The following DPP6 variants were observed in gnomAD, a reference collection of about 807,000 sequenced individuals.
DPP6 encodes the protein dipeptidyl peptidase like 6.
Under a neutral mutation model 122.6 loss-of-function variants are expected in DPP6, and 69 were observed. The ratio of observed to expected loss-of-function variants is 0.56; its 90% CI spans 0.46 to 0.69. DPP6 has a LOEUF of 0.69. Ranked by LOEUF, DPP6 falls within the 30% of genes least tolerant of loss-of-function variation. The pLI, the probability that DPP6 is intolerant of heterozygous loss-of-function variation, is 0.00. For missense variants in DPP6, 928 were observed against 1,116.9 expected (o/e 0.83, Z 2.41); for synonymous variants, 418 against 433.1 (o/e 0.97, Z 0.43).
the DPP6 span, among the ~76,000 whole-genome samples, chr7:153,782,547 C>A: frequency 6.6e-6 from 1 of 152,104 alleles, no homozygotes; most frequent in African/African-American, 2.4e-5. Context: ...AGCGTGTGGG[C>A]CCTTTCTGTG....
intron 18 of DPP6, 139 bp from the exon 19 acceptor site, chr7:154,872,485 C>T: frequency 1.5e-6 from 2 of 1,362,878 alleles, no homozygotes; most frequent in Non-Finnish European, 2.0e-6. Context: ...GGATGAAAAC[C>T]CTGGGCCAGT....
At chr7:154,442,904 C>T (rs1819512675) in intron 1 of DPP6, among the ~76,000 whole-genome samples, 1 of 152,182 alleles carries the variant, frequency 6.6e-6, no homozygotes, top group Non-Finnish European at 1.5e-5. Context: ...ACCCTGGTTT[C>T]TGCAAGTGTT....
At chr7:154,090,384 C>T (rs528594547) in intron 1 of DPP6, among the ~76,000 whole-genome samples, 3 of 152,070 alleles carry the variant, frequency 2.0e-5, no homozygotes, top group Non-Finnish European at 4.4e-5. Context: ...GCTTAGGATC[C>T]GGTTGCTAAT....
chr7:154,588,029 C>CG (rs750304931), intron 5 of DPP6: 21 of 1,612,360 alleles, frequency 1.3e-5, no homozygotes, highest in Non-Finnish European at 1.7e-5. Flanking sequence ...CTGCTCACCC[C>CG]GGGGATAATG....
chr7:153,874,949 G>A, the DPP6 span, among the ~76,000 whole-genome samples: 1 of 152,138 alleles, frequency 6.6e-6, no homozygotes, highest in Non-Finnish European at 1.5e-5. Context: ...GGAGAGAATA[G>A]AAAGGGAACT....
chr7:154,238,304 C>T (rs1801351963), intron 1 of DPP6, among the ~76,000 whole-genome samples: 2 of 152,116 alleles, frequency 1.3e-5, no homozygotes, highest in Non-Finnish European at 2.9e-5. Flanking sequence ...CGTACTTTTC[C>T]TGAGGTCTGA....
chr7:153,874,458 C>A, the DPP6 span, among the ~76,000 whole-genome samples: 2 of 152,204 alleles, frequency 1.3e-5, no homozygotes, highest in Non-Finnish European at 2.9e-5. Context: ...TTGCTGCAAC[C>A]TCCACCTGCC....
At chr7:154,621,240 A>AT (rs1252187546) in intron 5 of DPP6, among the ~76,000 whole-genome samples, 1 of 152,198 alleles carries the variant, frequency 6.6e-6, no homozygotes, top group African/African-American at 2.4e-5. Flanking sequence ...GAATGAGTCT[A>AT]TAATATGTTT....
chr7:154,100,772 CCACACAGACTG>C (rs1805673524), intron 1 of DPP6, among the ~76,000 whole-genome samples: 1 of 115,832 alleles, frequency 8.6e-6, no homozygotes, highest in Non-Finnish European at 1.8e-5. Context: ...AGGAGATTTC[CCACACAGACTG>C]CACATACCGC....
upstream of DPP6, among the ~76,000 whole-genome samples, chr7:154,048,263 CA>C (rs1244643937): frequency 1.1e-5 from 1 of 94,204 alleles, no homozygotes; most frequent in Non-Finnish European, 2.1e-5. Context: ...TTGAAAAGCC[CA>C]AATTGACCCA....
chr7:154,016,786 T>A (rs1436625646), intron 1 of DPP6, among the ~76,000 whole-genome samples: 3 of 152,190 alleles, frequency 2.0e-5, no homozygotes, highest in Non-Finnish European at 4.4e-5. Flanking sequence ...CACAAGTGTT[T>A]CCCTTTCTAC....
intron 1 of DPP6, among the ~76,000 whole-genome samples, chr7:154,021,630 A>C (rs2129052111): frequency 6.6e-6 from 1 of 152,290 alleles, no homozygotes; most frequent in South Asian, 2.1e-4. Context: ...GATGCAGTGA[A>C]GGACCACCAT....
intron 21 of DPP6, chr7:154,884,029 C>G (rs574402223): frequency 6.8e-6 from 1 of 147,244 alleles, no homozygotes; most frequent in South Asian, 2.2e-4. Flanking sequence ...CACACATACA[C>G]TCACACACAC....
intron 1 of DPP6, among the ~76,000 whole-genome samples, chr7:154,093,073 T>C (rs561517474): frequency 5.3e-4 from 79 of 150,246 alleles, no homozygotes; most frequent in African/African-American, 1.9e-3. Context: ...CACACACACA[T>C]ATCACATAAT....
At chr7:154,613,766 T>C (rs1834058764) in intron 5 of DPP6, among the ~76,000 whole-genome samples, 1 of 152,106 alleles carries the variant, frequency 6.6e-6, no homozygotes, top group Non-Finnish European at 1.5e-5. Flanking sequence ...GTTGTCCTGA[T>C]TAAATTGAGC....
chr7:154,826,404 T>C (rs1420721671), intron 16 of DPP6, among the ~76,000 whole-genome samples: 1 of 152,214 alleles, frequency 6.6e-6, no homozygotes, highest in East Asian at 1.9e-4. Context: ...TAATCCTGAT[T>C]CCTTGGCCAG....
At chr7:154,584,472 A>G (rs963869720) in intron 5 of DPP6, among the ~76,000 whole-genome samples, 8 of 152,230 alleles carry the variant, frequency 5.3e-5, no homozygotes, top group Non-Finnish European at 1.0e-4. Flanking sequence ...GGCTTGGGAC[A>G]TGGCTGATCC....
rs1404417729 is a variant in DPP6, at chr7:154,093,173, A to C, written c.243+40110A>C. ...CATACATCATACACACCACACACAC[A>C]CCAAATACACCACATGCCACACAAC... On this transcript the variant is annotated intron_variant, in intron 1 of 25. Coordinates refer to ENST00000377770, the MANE Select transcript of DPP6 (RefSeq NM_130797.4). Among the ~76,000 whole-genome samples the C allele has an allele frequency of 5.6e-5, 8 of 141,816 alleles. No individual in the cohort carries two copies. In the East Asian group the frequency reaches 1.7e-3, roughly 29 times the overall value. The allele number at this position is 141,816 out of a possible 152,430, so 93.0% of individuals were successfully genotyped here.
intron 5 of DPP6, among the ~76,000 whole-genome samples, chr7:154,591,093 T>C (rs1832785920): frequency 6.6e-6 from 1 of 152,166 alleles, no homozygotes; most frequent in Admixed American, 6.5e-5. Context: ...TCTTGGCATT[T>C]GTTGTTGGCA....
Sources: gnomAD v4.1 joint callset for allele counts (sites outside exome capture counted in the v4.1 genomes callset) on GRCh38, gnomAD v4.1.1 for gene constraint, MANE v1.5 for transcripts, NCBI Gene and HGNC (gene_info 2026-07-23, HGNC 2026-07-21) for gene names.